The following MTNAP1 variants were observed in gnomAD, a reference collection of about 807,000 sequenced individuals.
MTNAP1 encodes mitochondrial nucleoid-associated protein 1.
chr17:73,248,678 C>G, the MTNAP1 span: 1 of 857,458 alleles, frequency 1.2e-6, no homozygotes, highest in Admixed American at 2.1e-5. Flanking sequence ...TCTGTTACTA[C>G]AAGTTGGGAA....
the MTNAP1 span, chr17:73,248,295 C>T: frequency 0.039 from 22,455 of 577,812 alleles, 554 homozygotes; most frequent in Non-Finnish European, 0.05. Flanking sequence ...GAAGCCAGTA[C>T]GCTTCAGGTG....
the MTNAP1 span, among the ~76,000 whole-genome samples, chr17:73,234,942 G>A: frequency 2.2e-4 from 34 of 152,266 alleles, 2 homozygotes; most frequent in Admixed American, 2.0e-3. Context: ...GGGCGTGGGC[G>A]TGGTAGCTCG....
chr17:73,242,511 G>A, the MTNAP1 span, among the ~76,000 whole-genome samples: 1 of 36,452 alleles, frequency 2.7e-5, no homozygotes, highest in African/African-American at 9.1e-5. Context: ...TTTTGGAGTT[G>A]GACATAATTG....
At chr17:73,238,530 T>G in the MTNAP1 span, among the ~76,000 whole-genome samples, 1 of 152,266 alleles carries the variant, frequency 6.6e-6, no homozygotes, top group East Asian at 1.9e-4. Context: ...AAGCTACATT[T>G]TCTTTAACTA....
At chr17:73,236,757 C>T in the MTNAP1 span, 1 of 1,614,052 alleles carries the variant, frequency 6.2e-7, no homozygotes, top group African/African-American at 1.3e-5. Context: ...AAGCATCACA[C>T]ACTGGGTGCC....
chr17:73,242,252 T>C, the MTNAP1 span: 4 of 1,583,128 alleles, frequency 2.5e-6, no homozygotes, highest in Non-Finnish European at 3.4e-6. Context: ...AGTTTCTTTG[T>C]TGGAACGAAG....
chr17:73,239,086 G>A, the MTNAP1 span, among the ~76,000 whole-genome samples: 13 of 151,850 alleles, frequency 8.6e-5, no homozygotes, highest in African/African-American at 3.1e-4. Flanking sequence ...ACAGGTATGC[G>A]CCACCACGCC....
At chr17:73,239,516 A>C in the MTNAP1 span, among the ~76,000 whole-genome samples, 2 of 78,750 alleles carry the variant, frequency 2.5e-5, no homozygotes, top group Non-Finnish European at 2.3e-5. Context: ...TGAGCTTCAG[A>C]CATCTTTTTT....
At chr17:73,247,324 A>G in the MTNAP1 span, 12 of 1,614,052 alleles carry the variant, frequency 7.4e-6, no homozygotes, top group Admixed American at 6.7e-5. Context: ...TTGCCGCTCT[A>G]AAACATGTTT....
chr17:73,245,284 T>C, the MTNAP1 span: 1 of 1,509,576 alleles, frequency 6.6e-7, no homozygotes, highest in Non-Finnish European at 8.9e-7. Context: ...AAATGTATAA[T>C]ATTTGGGACA....
At chr17:73,242,201 C>T in the MTNAP1 span, 21 of 1,347,390 alleles carry the variant, frequency 1.6e-5, no homozygotes, top group East Asian at 7.2e-5. Flanking sequence ...GAAGGGGGTA[C>T]GTTTCGGTAA....
At chr17:73,232,519 A>C in the MTNAP1 span, 14 of 478,382 alleles carry the variant, frequency 2.9e-5, no homozygotes, top group South Asian at 3.7e-4. Flanking sequence ...CCAGGTTTCA[A>C]ATAAATTCAA....
the MTNAP1 span, among the ~76,000 whole-genome samples, chr17:73,239,740 C>T: frequency 2.0e-5 from 3 of 151,364 alleles, no homozygotes; most frequent in Non-Finnish European, 2.9e-5. Context: ...AGGCTGGTCT[C>T]GAACTCCTGA....
At chr17:73,237,545 G>T in the MTNAP1 span, among the ~76,000 whole-genome samples, 3 of 152,166 alleles carry the variant, frequency 2.0e-5, no homozygotes, top group African/African-American at 7.2e-5. Flanking sequence ...CACTAGGGCA[G>T]GCTGGCGATA....
chr17:73,248,937 A>C, the MTNAP1 span: 1 of 167,114 alleles, frequency 6.0e-6, no homozygotes, highest in African/African-American at 2.4e-5. Flanking sequence ...CTTCATAATA[A>C]AATTATTTGT....
chr17:73,243,397 G>A, the MTNAP1 span, among the ~76,000 whole-genome samples: 4 of 152,012 alleles, frequency 2.6e-5, no homozygotes, highest in African/African-American at 4.8e-5. Flanking sequence ...CAGGTGATCC[G>A]CCCACCTCAG....
the MTNAP1 span, among the ~76,000 whole-genome samples, chr17:73,239,571 T>C: frequency 2.0e-5 from 3 of 146,442 alleles, no homozygotes; most frequent in African/African-American, 7.6e-5. Context: ...CAGGCTGGAG[T>C]GCAATGGCAC....
the MTNAP1 span, chr17:73,236,670 T>C: frequency 1.2e-6 from 2 of 1,614,182 alleles, no homozygotes. Flanking sequence ...ATCATCATTG[T>C]GTCCCTGATG....
chr17:73,247,223 A>G, the MTNAP1 span: 15 of 1,607,788 alleles, frequency 9.3e-6, no homozygotes, highest in Admixed American at 1.7e-5. Flanking sequence ...GAAAATATTT[A>G]CTATCTGGCC....
Sources: allele counts gnomAD v4.1 joint callset (sites outside exome capture counted in the v4.1 genomes callset), GRCh38; gene constraint gnomAD v4.1.1; transcripts MANE v1.5; gene names NCBI Gene and HGNC (gene_info 2026-07-23, HGNC 2026-07-21).